F2R: variants seen among roughly 807,000 people sequenced by gnomAD.
The protein encoded by F2R is proteinase-activated receptor 1.
Under a neutral mutation model 18.3 loss-of-function variants are expected in F2R, and 12 were observed. The ratio of observed to expected loss-of-function variants is 0.66; its 90% CI spans 0.42 to 1.06. The LOEUF (loss-of-function observed/expected upper bound fraction) is 1.06. Among genes scored for constraint, F2R ranks in the 50% least tolerant of loss-of-function variants. The pLI, the probability that F2R is intolerant of heterozygous loss-of-function variation, is 0.00. For missense variants in F2R, 438 were observed against 530.8 expected (o/e 0.83, Z 1.72); for synonymous variants, 210 against 219.9 (o/e 0.95, Z 0.40).
chr5:76,731,767 A>G (rs1244995483), intron 1 of F2R, among the ~76,000 whole-genome samples: 1 of 152,022 alleles, frequency 6.6e-6, no homozygotes, highest in Non-Finnish European at 1.5e-5. Context: ...TGACCTTGTG[A>G]TCCACCCACC....
intron 1 of F2R, among the ~76,000 whole-genome samples, chr5:76,717,381 A>T (rs1342949274): frequency 5.9e-5 from 9 of 152,044 alleles, no homozygotes; most frequent in African/African-American, 2.2e-4. Context: ...GCTTTGAGCC[A>T]TTTTTTTTAC....
At position 76,733,566 on chromosome 5, in the gene F2R, A is replaced by G. The variant is rs1405337128; in HGVS notation, c.*63A>G. ...TAAAAGTGAATAACCTGAGGATTCTATTAGTCCCCACCCAAACTTTATTGA... is the reference window on the plus strand; with the variant it reads ...TAAAAGTGAATAACCTGAGGATTCTGTTAGTCCCCACCCAAACTTTATTGA... On this transcript the variant is annotated 3_prime_UTR_variant, in exon 2 of 2. Coordinates refer to ENST00000319211, the MANE Select transcript of F2R (RefSeq NM_001992.5). 7.6e-7 allele frequency: 1 copy of G among 1,314,462 alleles called. No individual in the cohort carries two copies. Among genetic ancestry groups the G allele is most frequent in the Admixed American group, 2.6e-5 (1 of 38,368 alleles). The allele number at this position is 1,314,462 out of a possible 1,614,324, so 81.4% of individuals were successfully genotyped here.
chr5:76,731,643 C>T (rs1453027061), intron 1 of F2R, among the ~76,000 whole-genome samples: 1 of 151,894 alleles, frequency 6.6e-6, no homozygotes, highest in African/African-American at 2.4e-5. Flanking sequence ...GATTCTTCTG[C>T]CTCAGGCTCC....
rs1561631437 is a variant in F2R, at chr5:76,732,468, A to G, written c.243A>G (p.Gln81=). 6.2e-7 allele frequency: 1 copy of G among 1,614,148 alleles called. No homozygotes were observed. Among genetic ancestry groups the G allele is most frequent in the East Asian group, 2.2e-5 (1 of 44,890 alleles). ...CCATCAATAAAAGCAGTCCTCTTCA[A>G]AAACAACTTCCTGCATTCATCTCAG... ...LVSINKSSPL[Q]KQLPAFISED... is the part of the protein sequence containing the mutation. Residue 81 remains glutamine (Q), a synonymous_variant, in exon 2 of 2, where the codon CAA becomes CAG. Coordinates refer to ENST00000319211, the MANE Select transcript of F2R (RefSeq NM_001992.5).
At position 76,732,318 on chromosome 5, in the gene F2R, A is replaced by G; in HGVS notation, c.93A>G (p.Ser31=). ...SARTRARRPE[S]KATNATLDPR... is the part of the protein sequence containing the mutation. ...TTTTTTAATTTTATTTTTCAGAATCAAAAGCAACAAATGCCACCTTAGATC... is the reference window on the plus strand; with the variant it reads ...TTTTTTAATTTTATTTTTCAGAATCGAAAGCAACAAATGCCACCTTAGATC... The change falls in exon 2 of 2, where the codon TCA becomes TCG. Residue 31 remains serine (S), a synonymous_variant. Transcript: ENST00000319211. 6.4e-7 allele frequency: 1 copy of G among 1,574,174 alleles called. No individual in the cohort carries two copies. Among genetic ancestry groups the G allele is most frequent in the African/African-American group, 1.4e-5 (1 of 72,762 alleles).
At chr5:76,723,403 C>G (rs1748502621) in intron 1 of F2R, among the ~76,000 whole-genome samples, 4 of 152,178 alleles carry the variant, frequency 2.6e-5, no homozygotes, top group Admixed American at 2.6e-4. Flanking sequence ...AACCCTGGCT[C>G]CTCTACTTCA....
chr5:76,716,449 T>C, intron 1 of F2R, 54 bp downstream of exon 1: 1 of 1,332,826 alleles, frequency 7.5e-7, no homozygotes. Flanking sequence ...GAGGGGAGAC[T>C]GCGGGGGTCA....
chr5:76,721,533 T>C (rs941895891), intron 1 of F2R, among the ~76,000 whole-genome samples: 6 of 152,238 alleles, frequency 3.9e-5, no homozygotes, highest in African/African-American at 1.2e-4. Flanking sequence ...AATTTGCCCT[T>C]GAAAACACAT....
intron 1 of F2R, among the ~76,000 whole-genome samples, chr5:76,724,396 A>T (rs1246806268): frequency 2.6e-5 from 4 of 152,182 alleles, no homozygotes; most frequent in Non-Finnish European, 5.9e-5. Context: ...ATCATCTGAT[A>T]ATCAGTCAGT....
chr5:76,717,334 T>G (rs1748365127), intron 1 of F2R, among the ~76,000 whole-genome samples: 1 of 152,262 alleles, frequency 6.6e-6, no homozygotes, highest in South Asian at 2.1e-4. Context: ...GTGAGAAAAG[T>G]GTTTTTGAAT....
chr5:76,732,982 A>G lies in F2R; in HGVS notation c.757A>G (p.Thr253Ala), dbSNP rs763800661. 8 of 1,613,812 alleles carry G rather than the reference A, an allele frequency of 5.0e-6. No homozygotes were observed. Among genetic ancestry groups the G allele is most frequent in the Non-Finnish European group, 6.8e-6 (8 of 1,179,990 alleles). The change falls in exon 2 of 2, where the codon ACC becomes GCC. Residue 253 changes from threonine to alanine, a missense_variant. Thr to Ala is a moderately conservative substitution (Grantham distance 58, BLOSUM62 0). Coordinates refer to ENST00000319211, the MANE Select transcript of F2R (RefSeq NM_001992.5). The stretch of plus-strand genomic sequence containing the variant: ...CCAGGTGCCCGGGCTCAACATCACT[A>G]CCTGTCATGATGTGCTCAATGAAAC... ...TIQVPGLNIT[T>A]CHDVLNETLL... is the part of the protein sequence containing the mutation.
At position 76,716,343 on chromosome 5, in the gene F2R, C is replaced by T. The variant is rs750008232; in HGVS notation, c.36C>T (p.Cys12=). Residue 12 remains cysteine, a synonymous_variant, in exon 1 of 2, where the codon TGC becomes TGT. Transcript: ENST00000319211. Reference sequence around the variant, plus strand: ...GGCGGCTGCTGCTGGTGGCCGCCTGCTTCAGTCTGTGCGGCCCGCTGTTGT... The same window carrying T: ...GGCGGCTGCTGCTGGTGGCCGCCTGTTTCAGTCTGTGCGGCCCGCTGTTGT... The part of the protein sequence containing the change: ...GPRRLLLVAA[C]FSLCGPLLSA... 7 of 1,450,934 alleles carry T rather than the reference C, an allele frequency of 4.8e-6. No homozygotes were observed. In the South Asian group the frequency reaches 9.6e-5, roughly 20 times the overall value. 89.9% of individuals were successfully genotyped at this position (1,450,934 alleles called of 1,614,324 possible).
Position 76,733,182 on chromosome 5 carries a change from C to T in F2R, c.957C>T (p.Phe319=). Residue 319 remains phenylalanine (F), a synonymous_variant, in exon 2 of 2, where the codon TTC becomes TTT. Transcript: ENST00000319211. Reference sequence around the variant, plus strand: ...CTTTGTTCCTGTCAGCTGCTGTTTTCTGCATCTTCATCATTTGCTTCGGAC... The same window carrying T: ...CTTTGTTCCTGTCAGCTGCTGTTTTTTGCATCTTCATCATTTGCTTCGGAC... ...SRALFLSAAV[F]CIFIICFGPT... 6.2e-7 allele frequency: 1 copy of T among 1,614,186 alleles called. No homozygotes were observed. The highest frequency in any genetic ancestry group is 8.5e-7 in the Non-Finnish European group (1 of 1,180,044).
chr5:76,733,777 A>G lies in F2R; in HGVS notation c.*274A>G, dbSNP rs767102995. ...CTGGATATAGCTAGGTGACATATAC[A>G]TACTTACATGTGTGTATATGTAGAT... On this transcript the variant is annotated 3_prime_UTR_variant, in exon 2 of 2. Transcript: ENST00000319211. 6.9e-6 allele frequency: 3 copies of G among 435,994 alleles called. No homozygotes were observed. Among genetic ancestry groups the G allele is most frequent in the Non-Finnish European group, 1.2e-5 (3 of 240,778 alleles). 27.0% of individuals were successfully genotyped at this position (435,994 alleles called of 1,614,324 possible). A position where few individuals can be genotyped will look rare whatever the true frequency, so the allele number is the denominator to read the frequency against.
Position 76,734,822 on chromosome 5 carries a change from A to G in F2R, c.*1319A>G, listed in dbSNP as rs1281966305. 6.6e-6 allele frequency: 1 copy of G among 152,390 alleles called. No homozygotes were observed. The highest frequency in any genetic ancestry group is 1.5e-5 in the Non-Finnish European group (1 of 68,042). 9.4% of individuals were successfully genotyped at this position (152,390 alleles called of 1,614,324 possible). Reference sequence around the variant, plus strand: ...TAACTTAATGAAAACAATGCAGTACAGGACATATATTTTTTAAAATAAGTC... The same window carrying G: ...TAACTTAATGAAAACAATGCAGTACGGGACATATATTTTTTAAAATAAGTC... On this transcript the variant is annotated 3_prime_UTR_variant, in exon 2 of 2. Transcript: ENST00000319211.
rs1000476355 is a variant in F2R at position 76,716,193 on chromosome 5, C to G, written c.-115C>G. 2.5e-6 allele frequency: 2 copies of G among 801,204 alleles called. No individual in the cohort carries two copies. The highest frequency in any genetic ancestry group is 3.5e-6 in the Non-Finnish European group (2 of 575,202). The allele number at this position is 801,204 out of a possible 1,614,324, so 49.6% of individuals were successfully genotyped here. On this transcript the variant is annotated 5_prime_UTR_variant, in exon 1 of 2. Transcript: ENST00000319211. ...TGATCTTACCCGTGGGCACCCTGCG[C>G]TCTGCCTGCCGCGAAGACCGGCTCC...
chr5:76,721,435 G>A (rs755606952), intron 1 of F2R, among the ~76,000 whole-genome samples: 11 of 152,286 alleles, frequency 7.2e-5, no homozygotes, highest in Non-Finnish European at 1.6e-4. Context: ...GGTACTTGGA[G>A]GAAGCCACTT....
chr5:76,732,261 T>C (rs1463010815), intron 1 of F2R, 53 bp from the exon 2 acceptor site: 3 of 1,402,608 alleles, frequency 2.1e-6, no homozygotes, highest in African/African-American at 2.9e-5. Flanking sequence ...CGCTTTTGCC[T>C]TGTTGATGCG....
At chr5:76,728,789 C>G (rs576256797) in intron 1 of F2R, among the ~76,000 whole-genome samples, 7 of 147,616 alleles carry the variant, frequency 4.7e-5, no homozygotes, top group African/African-American at 1.5e-4. Context: ...CTCCTGCGTT[C>G]AAGCAATTCT....
Sources: gnomAD v4.1 joint callset for allele counts (sites outside exome capture counted in the v4.1 genomes callset) on GRCh38, gnomAD v4.1.1 for gene constraint, MANE v1.5 for transcripts, NCBI Gene and HGNC (gene_info 2026-07-23, HGNC 2026-07-21) for gene names.